The following PCCA variants were observed in gnomAD, a reference collection of about 807,000 sequenced individuals.
PCCA encodes the protein propionyl-CoA carboxylase subunit alpha, also known as propionyl-CoA carboxylase alpha chain, mitochondrial.
Under a neutral mutation model 101.3 loss-of-function variants are expected in PCCA, and 74 were observed. The observed-to-expected ratio is 0.73, with a 90% CI of 0.61 to 0.89. PCCA has a LOEUF of 0.89. PCCA is among the 40% of genes least tolerant of loss of function. The pLI is 0.00. For missense variants in PCCA, 891 were observed against 907.0 expected, an observed-to-expected ratio of 0.98 and a Z score of 0.23; for synonymous variants, 294 against 313.6, an observed-to-expected ratio of 0.94 and a Z score of 0.66.
chr13:100,369,587 C>G lies in PCCA; in HGVS notation c.1746+1013C>G, dbSNP rs117593189. On this transcript the variant is annotated intron_variant, in intron 19 of 23. Coordinates refer to ENST00000376285, the MANE Select transcript of PCCA (RefSeq NM_000282.4). Reference sequence around the variant, plus strand: ...CTTGTGTGGTGTCAGACTCACAGATCAATGATGTCAGTCCATGAACTAAGG... The same window carrying G: ...CTTGTGTGGTGTCAGACTCACAGATGAATGATGTCAGTCCATGAACTAAGG... Among the ~76,000 whole-genome samples, 45 of 152,274 alleles carry G rather than the reference C, an allele frequency of 3.0e-4. No homozygotes were observed. The East Asian group carries it at 8.3e-3, about 28-fold the overall frequency.
At chr13:100,130,072 TG>T (rs538659023) in intron 4 of PCCA, among the ~76,000 whole-genome samples, 110 of 152,356 alleles carry the variant, frequency 7.2e-4, no homozygotes, top group African/African-American at 2.4e-3. Flanking sequence ...CTAAATTTAT[TG>T]AAGTCCACAA....
chr13:100,302,993 C>T lies in PCCA; in HGVS notation c.1279C>T (p.Pro427Ser), dbSNP rs777391118. The change falls in exon 14 of 24, where the codon CCT becomes TCT. Residue 427 changes from proline (P) to serine (S), a missense_variant. Transcript: ENST00000376285. ...LSQYQEPLHL[P>S]GVRVDSGIQP... Reference sequence around the variant, plus strand: ...TCAGTACCAAGAACCGTTACATCTACCTGGTGTAAGTCATTAAGCTGTAAT... The same window carrying T: ...TCAGTACCAAGAACCGTTACATCTATCTGGTGTAAGTCATTAAGCTGTAAT... 6.4e-7 allele frequency: 1 copy of T among 1,566,136 alleles called. No homozygotes were observed. The highest frequency in any genetic ancestry group is 8.8e-7 in the Non-Finnish European group (1 of 1,136,412).
At chr13:100,201,149 C>T (rs1356012815) in intron 6 of PCCA, among the ~76,000 whole-genome samples, 9 of 152,114 alleles carry the variant, frequency 5.9e-5, no homozygotes, top group South Asian at 2.1e-4. Flanking sequence ...AAAAGTTGTA[C>T]TATATCTATA....
chr13:100,121,598 C>T (rs983939363), intron 4 of PCCA, among the ~76,000 whole-genome samples: 4 of 151,826 alleles, frequency 2.6e-5, no homozygotes, highest in Non-Finnish European at 4.4e-5. Context: ...CTTCAGCCTC[C>T]GGAATAGCTG....
rs535505253 is a variant in PCCA, at chr13:100,298,759, C to T, written c.1066-2701C>T. On this transcript the variant is annotated intron_variant, in intron 12 of 23. Transcript: ENST00000376285. ...CCTTCCTTCCGTCCTTCCTTCCGTC[C>T]TTTTGTTCCTTTATATAACCCTGTT... Among the ~76,000 whole-genome samples the T allele has an allele frequency of 7.9e-5, 11 of 139,020 alleles. 1 individual carries two copies. Among genetic ancestry groups the T allele is most frequent in the African/African-American group, 2.7e-4 (10 of 36,748 alleles). 91.2% of individuals were successfully genotyped at this position (139,020 alleles called of 152,430 possible).
intron 6 of PCCA, among the ~76,000 whole-genome samples, chr13:100,186,402 T>C (rs1465513752): frequency 6.6e-6 from 1 of 152,158 alleles, no homozygotes; most frequent in Non-Finnish European, 1.5e-5. Context: ...AATTATTTGG[T>C]ACAGTTATTT....
At chr13:100,234,130 G>T (rs999571669) in intron 7 of PCCA, among the ~76,000 whole-genome samples, 1 of 152,090 alleles carries the variant, frequency 6.6e-6, no homozygotes, top group African/African-American at 2.4e-5. Context: ...CACTCTTCCT[G>T]TATTTTGTTC....
intron 19 of PCCA, among the ~76,000 whole-genome samples, chr13:100,409,405 G>A (rs2077888983): frequency 6.6e-6 from 1 of 152,160 alleles, no homozygotes; most frequent in Non-Finnish European, 1.5e-5. Context: ...GTTTGAATGG[G>A]AGTAAGGCAG....
intron 22 of PCCA, among the ~76,000 whole-genome samples, chr13:100,526,871 G>T (rs1207149389): frequency 1.3e-5 from 2 of 152,268 alleles, no homozygotes; most frequent in East Asian, 1.9e-4. Flanking sequence ...GGCAAGTTCT[G>T]AACGCAGTCT....
chr13:100,187,515 TA>T (rs751706370), intron 6 of PCCA, among the ~76,000 whole-genome samples: 18 of 152,222 alleles, frequency 1.2e-4, no homozygotes, highest in African/African-American at 3.9e-4. Context: ...AGAGTTATAA[TA>T]GAGAATTATA....
intron 6 of PCCA, among the ~76,000 whole-genome samples, chr13:100,180,593 T>C (rs1452359232): frequency 1.3e-5 from 2 of 152,196 alleles, no homozygotes; most frequent in African/African-American, 4.8e-5. Context: ...ACAGAGGTTG[T>C]ATGTATGTGG....
At chr13:100,409,056 G>C (rs1475670569) in intron 19 of PCCA, among the ~76,000 whole-genome samples, 2 of 152,084 alleles carry the variant, frequency 1.3e-5, no homozygotes, top group Non-Finnish European at 2.9e-5. Flanking sequence ...CAGCCACCCC[G>C]GGTGCCCTTG....
intron 17 of PCCA, among the ~76,000 whole-genome samples, chr13:100,331,375 A>G (rs2152735406): frequency 6.6e-6 from 1 of 152,324 alleles, no homozygotes; most frequent in East Asian, 1.9e-4. Context: ...CTAGTGAGGT[A>G]TGAAGGTTAG....
Position 100,180,676 on chromosome 13 carries a change from C to T in PCCA, c.468+23336C>T, listed in dbSNP as rs115103117. Among the ~76,000 whole-genome samples, 966 of 152,290 alleles carry T rather than the reference C, an allele frequency of 6.3e-3. 13 individuals are homozygous for T. Among genetic ancestry groups the T allele is most frequent in the African/African-American group, 0.014 (600 of 41,552 alleles). ...ATTTTGTCTCCTCCGATTTCTTTCC[C>T]CTGGTATTAATTACTAATACGCTTC... On this transcript the variant is annotated intron_variant, in intron 6 of 23. Coordinates refer to ENST00000376285, the MANE Select transcript of PCCA (RefSeq NM_000282.4).
intron 4 of PCCA, among the ~76,000 whole-genome samples, chr13:100,119,756 ATC>A (rs1201739635): frequency 6.6e-5 from 10 of 152,018 alleles, no homozygotes; most frequent in Non-Finnish European, 7.4e-5. Context: ...CTCACACGGG[ATC>A]TGTTTCCTTT....
intron 16 of PCCA, among the ~76,000 whole-genome samples, chr13:100,327,438 T>A (rs2068820787): frequency 6.6e-6 from 1 of 152,264 alleles, no homozygotes; most frequent in African/African-American, 2.4e-5. Context: ...AATTCCATTG[T>A]ATGGACAAGC....
At chr13:100,411,213 G>A (rs911411323) in intron 19 of PCCA, among the ~76,000 whole-genome samples, 1 of 151,376 alleles carries the variant, frequency 6.6e-6, no homozygotes, top group Non-Finnish European at 1.5e-5. Context: ...AATGGGACAG[G>A]TGTGCCTCTT....
chr13:100,421,258 G>C (rs2078729227), intron 19 of PCCA, among the ~76,000 whole-genome samples: 1 of 151,824 alleles, frequency 6.6e-6, no homozygotes, highest in Non-Finnish European at 1.5e-5. Flanking sequence ...AGTTCAAAAA[G>C]TCCAAATGGA....
intron 21 of PCCA, among the ~76,000 whole-genome samples, chr13:100,498,918 A>G (rs1166432151): frequency 6.6e-6 from 1 of 152,206 alleles, no homozygotes; most frequent in Non-Finnish European, 1.5e-5. Context: ...GAAATTTTGT[A>G]TTCTGCCACC....
Sources: gnomAD v4.1 joint callset for allele counts (sites outside exome capture counted in the v4.1 genomes callset) on GRCh38, gnomAD v4.1.1 for gene constraint, MANE v1.5 for transcripts, NCBI Gene and HGNC (gene_info 2026-07-23, HGNC 2026-07-21) for gene names.